Variants in SLC24A2 observed in about 807,000 individuals in gnomAD.
The protein encoded by SLC24A2 is sodium/potassium/calcium exchanger 2.
A neutral mutation model predicts 62.0 loss-of-function variants in SLC24A2; 36 were observed. The observed-to-expected ratio is 0.58, with a 90% CI of 0.44 to 0.77. The LOEUF is 0.77. SLC24A2 is among the 30% of genes least tolerant of loss of function. The pLI, the probability that SLC24A2 is intolerant of heterozygous loss-of-function variation, is 0.00. For synonymous variants in SLC24A2, 358 were observed against 294.0 expected (o/e 1.22, Z -2.23); for missense variants, 846 against 817.9 (o/e 1.03, Z -0.42).
chr9:20,042,398 G>A, the SLC24A2 span, among the ~76,000 whole-genome samples: 1 of 152,168 alleles, frequency 6.6e-6, no homozygotes, highest in African/African-American at 2.4e-5. Flanking sequence ...TGAGCCTTCT[G>A]GAAGAAATGT....
Position 19,550,190 on chromosome 9 carries a change from C to A in SLC24A2, c.1426G>T (p.Val476Phe). ...ETRKQVTFLI[V>F]FPIVFPLWIT... ...CAGAGAGGAAACACTATGGGGAAAA[C>A]AATCAGAAACGTGACTTGCTTGCGG... Residue 476 changes from valine to phenylalanine, a missense_variant, in exon 8 of 11, where the codon GTT (valine) becomes TTT (phenylalanine). Coordinates refer to ENST00000341998, the MANE Select transcript of SLC24A2 (RefSeq NM_020344.4). The A allele has an allele frequency of 1.2e-6, 2 of 1,614,114 alleles. No individual in the cohort carries two copies. Among genetic ancestry groups the A allele is most frequent in the Non-Finnish European group, 1.7e-6 (2 of 1,179,990 alleles).
the SLC24A2 span, among the ~76,000 whole-genome samples, chr9:20,189,623 G>A: frequency 6.6e-6 from 1 of 152,148 alleles, no homozygotes; most frequent in Non-Finnish European, 1.5e-5. Context: ...CATTAAAAGT[G>A]GAGCTCTCAA....
At chr9:20,018,010 G>A in the SLC24A2 span, among the ~76,000 whole-genome samples, 11 of 152,088 alleles carry the variant, frequency 7.2e-5, no homozygotes, top group Non-Finnish European at 1.0e-4. Flanking sequence ...GCAGTGGCAC[G>A]ATCTCGGCTC....
rs898519743 is a variant in SLC24A2 at position 19,553,243 on chromosome 9, G to C, written c.1348-2975C>G. 2.0e-5 allele frequency among the ~76,000 whole-genome samples: 3 copies of C among 152,214 alleles called. No individual in the cohort carries two copies. The East Asian group carries it at 5.8e-4, about 29-fold the overall frequency. ...CTGTTCCAAGTTTGAGGCTTATTTT[G>C]TCTTTGTTCAAACTGGATGCTCCAG... On this transcript the variant is annotated intron_variant, in intron 7 of 10. Coordinates refer to ENST00000341998, the MANE Select transcript of SLC24A2 (RefSeq NM_020344.4).
chr9:19,657,408 T>C (rs544990122), intron 2 of SLC24A2, among the ~76,000 whole-genome samples: 1 of 152,298 alleles, frequency 6.6e-6, no homozygotes, highest in Admixed American at 6.5e-5. Context: ...CCTTAACTTT[T>C]GGGATACATA....
the SLC24A2 span, among the ~76,000 whole-genome samples, chr9:19,813,102 C>A: frequency 6.6e-6 from 1 of 152,116 alleles, no homozygotes; most frequent in South Asian, 2.1e-4. Context: ...TCTGCCCCTG[C>A]CTTCCTCAGA....
At chr9:20,221,906 G>A in the SLC24A2 span, among the ~76,000 whole-genome samples, 3 of 151,978 alleles carry the variant, frequency 2.0e-5, no homozygotes, top group African/African-American at 7.2e-5. Flanking sequence ...ACTCAGGAAG[G>A]AAATTATTAA....
chr9:19,894,401 A>G, the SLC24A2 span, among the ~76,000 whole-genome samples: 1 of 152,188 alleles, frequency 6.6e-6, no homozygotes, highest in Non-Finnish European at 1.5e-5. Context: ...ACGTTTATAT[A>G]TTCATCCATA....
the SLC24A2 span, among the ~76,000 whole-genome samples, chr9:19,980,825 T>A: frequency 2.0e-5 from 3 of 152,134 alleles, no homozygotes; most frequent in African/African-American, 4.8e-5. Context: ...AACATGTACA[T>A]TCCTAGCATG....
At chr9:19,613,822 T>C (rs1817693165) in intron 4 of SLC24A2, among the ~76,000 whole-genome samples, 1 of 152,142 alleles carries the variant, frequency 6.6e-6, no homozygotes. Flanking sequence ...ACACAGACTG[T>C]GAGTCAGGCA....
chr9:19,655,519 CT>C (rs1202448305), intron 2 of SLC24A2, among the ~76,000 whole-genome samples: 1 of 152,180 alleles, frequency 6.6e-6, no homozygotes, highest in Non-Finnish European at 1.5e-5. Flanking sequence ...AATGAGGACT[CT>C]TTGGAAAGTC....
chr9:19,565,161 G>C (rs1448756512), intron 7 of SLC24A2, among the ~76,000 whole-genome samples: 2 of 152,126 alleles, frequency 1.3e-5, no homozygotes, highest in Non-Finnish European at 2.9e-5. Flanking sequence ...AGGAAAAGAG[G>C]AAGTCAAATT....
At chr9:19,559,904 T>C (rs912704356) in intron 7 of SLC24A2, among the ~76,000 whole-genome samples, 3 of 152,170 alleles carry the variant, frequency 2.0e-5, no homozygotes, top group Non-Finnish European at 2.9e-5. Context: ...AATTGAAATA[T>C]GGGAGACTGA....
chr9:19,990,504 G>C, the SLC24A2 span, among the ~76,000 whole-genome samples: 2 of 151,728 alleles, frequency 1.3e-5, no homozygotes, highest in Non-Finnish European at 2.9e-5. Flanking sequence ...CCAGCTACTT[G>C]GGAGGATGAG....
At chr9:19,722,643 A>G (rs1821059813) in intron 2 of SLC24A2, among the ~76,000 whole-genome samples, 1 of 94,466 alleles carries the variant, frequency 1.1e-5, no homozygotes, top group South Asian at 4.0e-4. Context: ...CTGGGAAGTT[A>G]AGAAATAGGA....
the SLC24A2 span, among the ~76,000 whole-genome samples, chr9:19,830,430 G>A: frequency 6.6e-6 from 1 of 152,158 alleles, no homozygotes; most frequent in African/African-American, 2.4e-5. Flanking sequence ...ATACCACTGT[G>A]AGATAAGAAT....
chr9:19,888,954 T>C, the SLC24A2 span, among the ~76,000 whole-genome samples: 1 of 152,170 alleles, frequency 6.6e-6, no homozygotes. Context: ...CCTGACAACC[T>C]GGTAGCCTTC....
At chr9:19,546,968 T>C (rs745804751) in intron 8 of SLC24A2, among the ~76,000 whole-genome samples, 1 of 151,926 alleles carries the variant, frequency 6.6e-6, no homozygotes, top group South Asian at 2.1e-4. Context: ...ACTTCCTGGG[T>C]GAGGCGACAC....
chr9:20,165,962 C>A, the SLC24A2 span, among the ~76,000 whole-genome samples: 1 of 151,412 alleles, frequency 6.6e-6, no homozygotes, highest in East Asian at 1.9e-4. Flanking sequence ...CATGAGACAT[C>A]CTATAGGAAA....
Sources: gnomAD v4.1 joint callset for allele counts (sites outside exome capture counted in the v4.1 genomes callset) on GRCh38, gnomAD v4.1.1 for gene constraint, MANE v1.5 for transcripts, NCBI Gene and HGNC (gene_info 2026-07-23, HGNC 2026-07-21) for gene names.